Variants in HOOK2 observed in about 807,000 individuals in gnomAD.
The protein encoded by HOOK2 is hook microtubule tethering protein 2, also known as protein Hook homolog 2.
Under a neutral mutation model 111.9 loss-of-function variants are expected in HOOK2, and 108 were observed. The observed-to-expected ratio is 0.96, with a 90% CI of 0.83 to 1.13. HOOK2 has a LOEUF of 1.13. Among genes scored for constraint, HOOK2 ranks in the 50% most tolerant of loss-of-function variants. HOOK2 has a pLI of 0.00. For synonymous variants in HOOK2, 405 were observed against 394.3 expected (o/e 1.03, Z -0.32); for missense variants, 978 against 951.3 (o/e 1.03, Z -0.37).
rs368427790 is a variant in HOOK2 at position 12,763,398 on chromosome 19, G to A, written c.2044C>T (p.Arg682Trp). 141 of 1,613,858 alleles carry A rather than the reference G, an allele frequency of 8.7e-5. No homozygotes were observed. Among genetic ancestry groups the A allele is most frequent in the Admixed American group, 3.3e-4 (20 of 60,008 alleles). The change falls in exon 23 of 23, where the codon CGG (arginine) becomes TGG (tryptophan). Residue 682 changes from arginine (R) to tryptophan (W), a missense_variant. Arg to Trp is a moderately radical substitution (Grantham distance 101). Around this residue, in one of 5 missense-constraint regions of HOOK2, gnomAD observed 277 missense variants for 265.8 expected, o/e 1.04. Transcript: ENST00000397668. ...AATGACTGGGCATGGGCAGGCGCCC[G>A]CTCCTCCCCAGCTCGCTGCTGCAAG... ...MALQQRAGEE[R>W]APAHAQSFLA...
At chr19:12,765,754 G>A in intron 17 of HOOK2, 30 bp from the exon 18 acceptor site, 1 of 1,614,194 alleles carries the variant, frequency 6.2e-7, no homozygotes, top group East Asian at 2.2e-5. Context: ...AGGTGAGTGG[G>A]GGATCCAGAG....
chr19:12,773,077 A>C (rs1325491018), intron 3 of HOOK2, 33 bp from the exon 4 acceptor site: 1 of 1,606,710 alleles, frequency 6.2e-7, no homozygotes, highest in Admixed American at 1.7e-5. Context: ...GGACAAGTTC[A>C]GAGGCCTCCC....
chr19:12,769,840 C>T, intron 11 of HOOK2, 41 bp downstream of exon 11: 1 of 1,367,594 alleles, frequency 7.3e-7, no homozygotes, highest in Middle Eastern at 2.7e-4. Context: ...AGACTTGCTG[C>T]CAGGGGCGGG....
At chr19:12,777,888 CTG>C (rs1968557850), upstream of HOOK2, among the ~76,000 whole-genome samples, 1 of 152,282 alleles carries the variant, frequency 6.6e-6, no homozygotes, top group Non-Finnish European at 1.5e-5. Flanking sequence ...GGAGTGCTTA[CTG>C]TATGCAGTCC....
chr19:12,776,990 T>TA (rs1422322865), upstream of HOOK2, among the ~76,000 whole-genome samples: 1 of 151,350 alleles, frequency 6.6e-6, no homozygotes, highest in African/African-American at 2.4e-5. Context: ...ACCCCTTCTC[T>TA]ACTAAAAATA....
rs890386571 is a variant in HOOK2 at position 12,765,742 on chromosome 19, C to A, written c.1606-18G>T. 6.2e-7 allele frequency: 1 copy of A among 1,614,176 alleles called. No homozygotes were observed. Among genetic ancestry groups the A allele is most frequent in the Non-Finnish European group, 8.5e-7 (1 of 1,180,034 alleles). On this transcript the variant is annotated intron_variant, in intron 17 of 22. Coordinates refer to ENST00000397668, the MANE Select transcript of HOOK2 (RefSeq NM_013312.3). ...AAAATGGACTGGGAGAGAGAAGAGG[C>A]AAGGTGAGTGGGGGATCCAGAGAGG... is the stretch of plus-strand genomic sequence containing the variant.
intron 7 of HOOK2, 127 bp from the exon 8 acceptor site, chr19:12,771,604 C>G (rs1195105571): frequency 5.0e-6 from 4 of 805,172 alleles, no homozygotes; most frequent in Non-Finnish European, 8.1e-6. Flanking sequence ...GGGCTGGCGC[C>G]GGGTGCAGTG....
rs1486971116 is a variant in HOOK2 at position 12,775,423 on chromosome 19, G to T, written c.27C>A (p.Cys9Ter). 1.2e-6 allele frequency: 2 copies of T among 1,612,376 alleles called. No homozygotes were observed. The highest frequency in any genetic ancestry group is 2.7e-5 in the African/African-American group (2 of 74,802). The change falls in exon 1 of 23, where the codon TGC (cysteine) becomes TGA (stop). Residue 9 changes from cysteine to a stop codon, truncating the protein, a stop_gained. Coordinates refer to ENST00000397668, the MANE Select transcript of HOOK2 (RefSeq NM_013312.3). LOFTEE classifies it high-confidence loss of function. ...GACCTACCCAGGTGAGCAGAGACCCGCATAGCTCAGCTTTGTCCACGCTCA... is the reference window on the plus strand; with the variant it reads ...GACCTACCCAGGTGAGCAGAGACCCTCATAGCTCAGCTTTGTCCACGCTCA... MSVDKAEL[C>*]GSLLTWLQTF...
upstream of HOOK2, chr19:12,775,575 C>CG: frequency 1.0e-6 from 1 of 955,822 alleles, no homozygotes; most frequent in African/African-American, 1.8e-5. Flanking sequence ...CGCCCCGCCC[C>CG]CCTAGGCGCA....
At chr19:12,776,885 G>T (rs1968529567), upstream of HOOK2, among the ~76,000 whole-genome samples, 1 of 151,498 alleles carries the variant, frequency 6.6e-6, no homozygotes, top group Non-Finnish European at 1.5e-5. Flanking sequence ...AGGGCCGGGC[G>T]CGGCGGCTCA....
intron 3 of HOOK2, among the ~76,000 whole-genome samples, chr19:12,788,277 C>G (rs566486472): frequency 6.6e-6 from 1 of 152,274 alleles, no homozygotes; most frequent in South Asian, 2.1e-4. Context: ...AGTTTCTCAT[C>G]TGTTACATGG....
At position 12,769,980 on chromosome 19, in the gene HOOK2, C is replaced by T. The variant is rs1968268991; in HGVS notation, c.1005G>A (p.Glu335=). 3 of 1,550,364 alleles carry T rather than the reference C, an allele frequency of 1.9e-6. No homozygotes were observed. Among genetic ancestry groups the T allele is most frequent in the Non-Finnish European group, 2.6e-6 (3 of 1,153,688 alleles). ...RELRRQVRQL[E]ERNAGHAERT... is the part of the protein sequence containing the mutation. ...GCTCGGCGTGGCCGGCGTTGCGTTC[C>T]TCCAGCTGCCGCACCTGCCGCCGCA... Residue 335 remains glutamate, a synonymous_variant, in exon 11 of 23, where the codon GAG becomes GAA. Transcript: ENST00000397668.
upstream of HOOK2, chr19:12,778,446 G>A (rs991717947): frequency 6.6e-6 from 1 of 152,286 alleles, no homozygotes; most frequent in African/African-American, 2.4e-5. Flanking sequence ...TGGGGGAAGG[G>A]GACAAGGGCC....
chr19:12,782,974 C>T (rs990998163), upstream of HOOK2, among the ~76,000 whole-genome samples: 1 of 152,184 alleles, frequency 6.6e-6, no homozygotes, highest in South Asian at 2.1e-4. Context: ...GCTTTTCCTC[C>T]AGCTGCCTAG....
Position 12,763,258 on chromosome 19 carries a change from A to C in HOOK2, c.*24T>G, listed in dbSNP as rs768268554. ...GAGGAAGCCAGGGTGGGTGGAGCCCAGGCTGGCTTGATTGTGAGGTCTGTC... is the reference window on the plus strand; with the variant it reads ...GAGGAAGCCAGGGTGGGTGGAGCCCCGGCTGGCTTGATTGTGAGGTCTGTC... On this transcript the variant is annotated 3_prime_UTR_variant, in exon 23 of 23. Transcript: ENST00000397668. The C allele has an allele frequency of 1.2e-6, 2 of 1,605,858 alleles. No homozygotes were observed. The highest frequency in any genetic ancestry group is 2.2e-5 in the South Asian group (2 of 90,648).
intron 11 of HOOK2, among the ~76,000 whole-genome samples, chr19:12,769,508 G>A (rs1474236773): frequency 6.6e-6 from 1 of 152,014 alleles, no homozygotes; most frequent in African/African-American, 2.4e-5. Context: ...CTACAACCTC[G>A]AAATCCTGGG....
intron 21 of HOOK2, 33 bp from the exon 22 acceptor site, chr19:12,763,632 A>T: frequency 6.2e-7 from 1 of 1,614,076 alleles, no homozygotes; most frequent in South Asian, 1.1e-5. Context: ...GGGCCTAGAT[A>T]CGTTGGAGGC....
chr19:12,792,164 G>C (rs1968727428), intron 3 of HOOK2: 1 of 1,593,394 alleles, frequency 6.3e-7, no homozygotes, highest in South Asian at 1.1e-5. Context: ...TCACCGAGGA[G>C]CAGGAGGGCT....
upstream of HOOK2, among the ~76,000 whole-genome samples, chr19:12,779,260 G>A (rs373163883): frequency 5.9e-5 from 9 of 152,196 alleles, no homozygotes; most frequent in African/African-American, 2.2e-4. Flanking sequence ...ACCCCGGCCT[G>A]CCCCCTCCAG....
Sources: gnomAD v4.1 joint callset for allele counts (sites outside exome capture counted in the v4.1 genomes callset) on GRCh38, gnomAD v4.1.1 for gene constraint, gnomAD v4.1.1 regional missense constraint, MANE v1.5 for transcripts, NCBI Gene and HGNC (gene_info 2026-07-23, HGNC 2026-07-21) for gene names.